MYO3B: variants seen among roughly 807,000 people sequenced by gnomAD.
The protein encoded by MYO3B is myosin-IIIb.
Under a neutral mutation model 174.6 loss-of-function variants are expected in MYO3B, and 156 were observed. The ratio of observed to expected loss-of-function variants is 0.89; its 90% CI spans 0.78 to 1.02. The LOEUF is 1.02. Among genes scored for constraint, MYO3B ranks in the 50% least tolerant of loss-of-function variants. The probability of loss-of-function intolerance (pLI) is 0.00; values close to 1 mark genes in which losing one functional copy is unlikely to be tolerated. For synonymous variants in MYO3B, 563 were observed against 569.1 expected (o/e 0.99, Z 0.15); for missense variants, 1,632 against 1,639.4 (o/e 1.00, Z 0.08).
At chr2:170,238,689 TCACAAGTTAAAAA>T (rs563501883) in intron 7 of MYO3B, among the ~76,000 whole-genome samples, 75,273 of 151,874 alleles carry the variant, frequency 0.5, 19,401 homozygotes, top group East Asian at 0.71. Context: ...GAAGTGACTT[TCACAAGTTAAAAA>T]AAGATTTATG....
intron 32 of MYO3B, among the ~76,000 whole-genome samples, chr2:170,628,181 G>T (rs1241676421): frequency 6.6e-6 from 1 of 152,214 alleles, no homozygotes; most frequent in Non-Finnish European, 1.5e-5. Flanking sequence ...TCCTTGAGCT[G>T]CATTGGGCTC....
At chr2:170,366,527 C>T (rs1056980629) in intron 8 of MYO3B, among the ~76,000 whole-genome samples, 10 of 152,078 alleles carry the variant, frequency 6.6e-5, no homozygotes, top group African/African-American at 2.4e-4. Context: ...CTCCTGGGCT[C>T]AAGAAATCCT....
chr2:170,392,477 T>C lies in MYO3B; in HGVS notation c.1773T>C (p.Ile591=). The change falls in exon 16 of 35, where the codon ATT becomes ATC. Residue 591 remains isoleucine, a synonymous_variant. Coordinates refer to ENST00000408978, the MANE Select transcript of MYO3B (RefSeq NM_138995.5). ...AAGCAATTCAGCATTGCTTCAGGATTATAGGGTTCACGGACAAAGTAAGTG... is the reference window on the plus strand; with the variant it reads ...AAGCAATTCAGCATTGCTTCAGGATCATAGGGTTCACGGACAAAGTAAGTG... ...QFEAIQHCFR[I]IGFTDKEVHS... is the part of the protein sequence containing the mutation. 1.3e-6 allele frequency: 2 copies of C among 1,574,912 alleles called. No individual in the cohort carries two copies. The highest frequency in any genetic ancestry group is 8.7e-7 in the Non-Finnish European group (1 of 1,154,492).
At chr2:170,359,664 G>T (rs528475274) in intron 8 of MYO3B, among the ~76,000 whole-genome samples, 162 of 152,210 alleles carry the variant, frequency 1.1e-3, no homozygotes, top group African/African-American at 3.3e-3. Flanking sequence ...TGTACCCTCC[G>T]CTTGGAATGC....
intron 3 of MYO3B, among the ~76,000 whole-genome samples, chr2:170,208,882 C>T (rs1415669972): frequency 3.3e-5 from 5 of 152,112 alleles, no homozygotes; most frequent in Non-Finnish European, 5.9e-5. Context: ...CAAGGAATTT[C>T]GGATAAGACC....
intron 6 of MYO3B, among the ~76,000 whole-genome samples, chr2:170,220,258 AAAAAC>A (rs66736722): frequency 0.55 from 82,142 of 149,900 alleles, 22,587 homozygotes; most frequent in Admixed American, 0.62. Flanking sequence ...ACTCCGTCTC[AAAAAC>A]AAAACAAAAC....
intron 8 of MYO3B, among the ~76,000 whole-genome samples, chr2:170,361,391 A>T (rs1182138070): frequency 6.6e-6 from 1 of 152,202 alleles, no homozygotes; most frequent in Non-Finnish European, 1.5e-5. Flanking sequence ...TCAACCAAAG[A>T]AAAAAGAAAG....
At chr2:170,400,747 G>A (rs1354733925) in intron 17 of MYO3B, among the ~76,000 whole-genome samples, 1 of 151,466 alleles carries the variant, frequency 6.6e-6, no homozygotes, top group Non-Finnish European at 1.5e-5. Context: ...CCCCAAGGAT[G>A]TCCTGTGGAA....
At chr2:170,229,028 G>A (rs921248374) in intron 6 of MYO3B, among the ~76,000 whole-genome samples, 3 of 149,716 alleles carry the variant, frequency 2.0e-5, no homozygotes, top group African/African-American at 7.4e-5. Flanking sequence ...TATCATCATA[G>A]GTAAGAAACT....
intron 7 of MYO3B, among the ~76,000 whole-genome samples, chr2:170,269,164 G>A (rs540969597): frequency 2.6e-5 from 4 of 152,194 alleles, no homozygotes; most frequent in South Asian, 2.1e-4. Context: ...GTGTGAGCCC[G>A]GCATTTAAAG....
At chr2:170,471,807 C>T (rs890323696) in intron 25 of MYO3B, among the ~76,000 whole-genome samples, 4 of 151,980 alleles carry the variant, frequency 2.6e-5, no homozygotes, top group African/African-American at 7.3e-5. Context: ...GCCTGATTAA[C>T]GTGGAGAAAC....
intron 25 of MYO3B, among the ~76,000 whole-genome samples, chr2:170,490,747 T>C (rs1437469887): frequency 1.3e-5 from 2 of 152,162 alleles, no homozygotes; most frequent in African/African-American, 4.8e-5. Context: ...ATTAATTTTT[T>C]AAATTTTTAA....
intron 8 of MYO3B, among the ~76,000 whole-genome samples, chr2:170,362,606 T>G (rs2105653021): frequency 6.6e-6 from 1 of 152,324 alleles, no homozygotes; most frequent in Middle Eastern, 3.4e-3. Context: ...ACTATTCTCC[T>G]CTGATTGATA....
intron 19 of MYO3B, among the ~76,000 whole-genome samples, chr2:170,403,639 C>A (rs748354771): frequency 8.5e-5 from 13 of 152,200 alleles, no homozygotes; most frequent in Non-Finnish European, 1.8e-4. Context: ...ATGAAACATT[C>A]TGGCTAAGCC....
intron 32 of MYO3B, among the ~76,000 whole-genome samples, chr2:170,620,657 A>G (rs577764862): frequency 1.3e-5 from 2 of 152,282 alleles, no homozygotes; most frequent in South Asian, 4.1e-4. Context: ...CCCAAATCCC[A>G]TGGGGTAGAT....
chr2:170,426,566 T>A (rs2094663849), intron 22 of MYO3B, among the ~76,000 whole-genome samples: 1 of 151,778 alleles, frequency 6.6e-6, no homozygotes, highest in Admixed American at 6.6e-5. Flanking sequence ...ATATAATCTG[T>A]CTCTAGGTGG....
At position 170,404,280 on chromosome 2, in the gene MYO3B, C is replaced by T; in HGVS notation, c.2311C>T (p.Pro771Ser). The change falls in exon 20 of 35, where the codon CCC becomes TCC. Residue 771 changes from proline to serine, a missense_variant. Pro to Ser is a moderately conservative substitution (Grantham distance 74). Transcript: ENST00000408978. ...TCAGAATGAAGGCATTGATGCTGTA[C>T]CCGTGGAATATGAGGACAACCGCCC... ...EYQNEGIDAV[P>S]VEYEDNRPLL... 1 of 1,612,812 alleles carries T rather than the reference C, an allele frequency of 6.2e-7. No homozygotes were observed. The highest frequency in any genetic ancestry group is 8.5e-7 in the Non-Finnish European group (1 of 1,179,358).
chr2:170,365,625 G>GA (rs1453668331), intron 8 of MYO3B, among the ~76,000 whole-genome samples: 3 of 151,872 alleles, frequency 2.0e-5, no homozygotes, highest in South Asian at 2.1e-4. Context: ...CTCCCCATGA[G>GA]AAAAAAATAT....
intron 15 of MYO3B, 122 bp downstream of exon 15, chr2:170,391,740 C>T (rs1449946077): frequency 1.6e-6 from 1 of 624,178 alleles, no homozygotes; most frequent in African/African-American, 1.9e-5. Flanking sequence ...ACTAAAGTGC[C>T]CAGGGTGAGG....
Sources: allele counts gnomAD v4.1 joint callset (sites outside exome capture counted in the v4.1 genomes callset), GRCh38; gene constraint gnomAD v4.1.1; transcripts MANE v1.5; gene names NCBI Gene and HGNC (gene_info 2026-07-23, HGNC 2026-07-21).